The following UGGT1 variants were observed in gnomAD, a reference collection of about 807,000 sequenced individuals.
UGGT1 encodes UDP-glucose glycoprotein glucosyltransferase 1, also known as UDP-glucose:glycoprotein glucosyltransferase 1.
In UGGT1, 107 loss-of-function variants were observed where a neutral mutation model predicts 203.9. That is an observed-to-expected ratio of 0.52 (90% CI 0.45 to 0.62). UGGT1 has a LOEUF of 0.62. Among genes scored for constraint, UGGT1 ranks in the 20% least tolerant of loss-of-function variants. UGGT1 has a pLI of 0.00. For synonymous variants in UGGT1, 628 were observed against 653.5 expected (o/e 0.96, Z 0.59); for missense variants, 1,673 against 1,867.2 (o/e 0.90, Z 1.92).
intron 11 of UGGT1, among the ~76,000 whole-genome samples, chr2:128,125,897 T>G (rs1688574614): frequency 6.6e-6 from 1 of 151,936 alleles, no homozygotes; most frequent in Non-Finnish European, 1.5e-5. Flanking sequence ...TCATGGAGTC[T>G]TAATTTTTTT....
intron 1 of UGGT1, 35 bp downstream of exon 1, chr2:128,091,450 A>G: frequency 1.9e-6 from 3 of 1,562,944 alleles, no homozygotes; most frequent in Non-Finnish European, 2.6e-6. Flanking sequence ...CCTCGTGGAC[A>G]AAGAGAGGGT....
chr2:128,182,719 T>C (rs1308724946), intron 37 of UGGT1, among the ~76,000 whole-genome samples: 1 of 112,034 alleles, frequency 8.9e-6, no homozygotes, highest in Non-Finnish European at 2.0e-5. Flanking sequence ...AAAAATACAG[T>C]GTAAAAAAAA....
At chr2:128,173,754 T>A in intron 29 of UGGT1, 27 bp from the exon 30 acceptor site, 1 of 1,612,246 alleles carries the variant, frequency 6.2e-7, no homozygotes, top group South Asian at 1.1e-5. Context: ...TCTGAGTGCA[T>A]TCAAGTGATT....
intron 2 of UGGT1, among the ~76,000 whole-genome samples, chr2:128,099,642 A>C (rs1467061457): frequency 6.6e-6 from 1 of 152,206 alleles, no homozygotes. Flanking sequence ...ACTTTCTGCT[A>C]AATAGACTTC....
Position 128,194,706 on chromosome 2 carries a change from T to C in UGGT1, c.*4964T>C, listed in dbSNP as rs1158723799. On this transcript the variant is annotated 3_prime_UTR_variant, in exon 41 of 41. Coordinates refer to ENST00000259253, the MANE Select transcript of UGGT1 (RefSeq NM_020120.4). ...ATAACTTCTTTAAATTCATGTTTTCTCTGCCTTGAGGTAGTGAGGGAAAGA... is the reference window on the plus strand; with the variant it reads ...ATAACTTCTTTAAATTCATGTTTTCCCTGCCTTGAGGTAGTGAGGGAAAGA... 6.6e-6 allele frequency: 1 copy of C among 152,236 alleles called. No homozygotes were observed. The highest frequency in any genetic ancestry group is 6.5e-5 in the Admixed American group (1 of 15,290). 9.4% of individuals were successfully genotyped at this position (152,236 alleles called of 1,614,324 possible).
rs1404193465 is a variant in UGGT1, at chr2:128,104,027, C to G, written c.277+13C>G. ...TCAGATCATGACGGTAAAATTGAAG[C>G]AAATGCTTCTTTGACTTTGGTGTCT... On this transcript the variant is annotated intron_variant, in intron 3 of 40. Coordinates refer to ENST00000259253, the MANE Select transcript of UGGT1 (RefSeq NM_020120.4). The G allele has an allele frequency of 2.0e-6, 3 of 1,527,368 alleles. No individual in the cohort carries two copies. Among genetic ancestry groups the G allele is most frequent in the East Asian group, 2.4e-5 (1 of 40,844 alleles). 94.6% of individuals were successfully genotyped at this position (1,527,368 alleles called of 1,614,324 possible). A position where few individuals can be genotyped will look rare whatever the true frequency, so the allele number is the denominator to read the frequency against.
Position 128,134,876 on chromosome 2 carries a change from G to T in UGGT1, c.1498G>T (p.Val500Phe), listed in dbSNP as rs766697168. The T allele has an allele frequency of 1.2e-6, 2 of 1,613,338 alleles. No homozygotes were observed. The highest frequency in any genetic ancestry group is 1.7e-5 in the Admixed American group (1 of 60,020). Reference protein sequence around the residue: ...RQIRKNLHNMVFIVDPAHETT... With the variant: ...RQIRKNLHNMFFIVDPAHETT... ...GTGTTCTTTTCCCTTTCTTCAACAG[G>T]TTTTCATAGTTGATCCTGCACATGA... The change falls in exon 15 of 41, where the codon GTT becomes TTT. Residue 500 changes from valine (V) to phenylalanine (F), a missense_variant and splice_region_variant. Transcript: ENST00000259253.
intron 18 of UGGT1, among the ~76,000 whole-genome samples, chr2:128,147,917 A>G (rs957800644): frequency 3.9e-5 from 6 of 152,030 alleles, no homozygotes; most frequent in Admixed American, 2.0e-4. Context: ...CCATTTCTGC[A>G]TATTTAATAA....
intron 3 of UGGT1, among the ~76,000 whole-genome samples, chr2:128,106,196 A>G (rs946007471): frequency 8.6e-5 from 13 of 151,688 alleles, no homozygotes; most frequent in Non-Finnish European, 1.5e-4. Flanking sequence ...AGGCAACTAG[A>G]ATTAAGTTAT....
intron 13 of UGGT1, among the ~76,000 whole-genome samples, chr2:128,132,693 C>T (rs934575206): frequency 2.0e-5 from 3 of 152,004 alleles, no homozygotes; most frequent in Admixed American, 2.0e-4. Context: ...ACTCATTTTT[C>T]CACTCGATCT....
At chr2:128,092,046 C>T (rs766909370) in intron 1 of UGGT1, among the ~76,000 whole-genome samples, 5 of 152,152 alleles carry the variant, frequency 3.3e-5, no homozygotes, top group African/African-American at 4.8e-5. Flanking sequence ...CGTTTGAAGT[C>T]CTGGGGTCTT....
intron 11 of UGGT1, 81 bp downstream of exon 11, chr2:128,123,327 T>G: frequency 8.9e-7 from 1 of 1,120,800 alleles, no homozygotes; most frequent in Non-Finnish European, 1.3e-6. Context: ...CAGCAGCATT[T>G]AACAGTGTCA....
In UGGT1 at chr2:128,187,503, C is replaced by G; in HGVS notation, c.4531C>G (p.Pro1511Ala). The G allele has an allele frequency of 6.2e-7, 1 of 1,614,028 alleles. No homozygotes were observed. ...ACTGGAAGCAGCTGTGCGGATTGTC[C>G]CGGAGTGGCAGGACTACGACCAAGA... ...PKLEAAVRIV[P>A]EWQDYDQEIK... Residue 1511 changes from proline to alanine, a missense_variant, in exon 40 of 41, where the codon CCG becomes GCG. Around this residue, in one of 4 missense-constraint regions of UGGT1, gnomAD observed 513 missense variants for 684.1 expected, o/e 0.75. Transcript: ENST00000259253.
At chr2:128,125,868 A>G (rs903028500) in intron 11 of UGGT1, among the ~76,000 whole-genome samples, 8 of 151,924 alleles carry the variant, frequency 5.3e-5, no homozygotes, top group African/African-American at 1.7e-4. Context: ...GGAAGACAAA[A>G]TTATACTATA....
chr2:128,183,990 G>T (rs534445487), intron 38 of UGGT1, among the ~76,000 whole-genome samples: 3 of 151,826 alleles, frequency 2.0e-5, no homozygotes, highest in South Asian at 2.1e-4. Flanking sequence ...ACATATCAGC[G>T]TGAAAAATGT....
At chr2:128,187,182 T>G (rs1167859251) in intron 39 of UGGT1, 2 of 338,144 alleles carry the variant, frequency 5.9e-6, no homozygotes, top group Middle Eastern at 8.2e-4. Flanking sequence ...GCTGAGTCAC[T>G]CCTTGGCTTC....
At chr2:128,138,389 C>T (rs1210312676) in intron 15 of UGGT1, among the ~76,000 whole-genome samples, 3 of 151,966 alleles carry the variant, frequency 2.0e-5, no homozygotes, top group African/African-American at 4.8e-5. Flanking sequence ...GGGGTAGTGG[C>T]GTATAATCGC....
In UGGT1 at chr2:128,108,015, A is replaced by G; in HGVS notation, c.355A>G (p.Lys119Glu). The change falls in exon 4 of 41, where the codon AAA becomes GAA. Residue 119 changes from lysine to glutamate, a missense_variant. Lys to Glu is a moderately conservative substitution (Grantham distance 56). Coordinates refer to ENST00000259253, the MANE Select transcript of UGGT1 (RefSeq NM_020120.4). ...FLSPLQQNLF[K>E]FCLSLRSYSA... ...GTCACCCCTCCAGCAGAATTTGTTT[A>G]AATTTTGTCTGTCCCTTCGTTCTTA... 1 of 1,614,150 alleles carries G rather than the reference A, an allele frequency of 6.2e-7. No homozygotes were observed. The highest frequency in any genetic ancestry group is 8.5e-7 in the Non-Finnish European group (1 of 1,180,020).
At chr2:128,187,715 C>A in intron 40 of UGGT1, 101 bp downstream of exon 40, 1 of 1,291,186 alleles carries the variant, frequency 7.7e-7, no homozygotes, top group Non-Finnish European at 1.0e-6. Flanking sequence ...AGAGAAAAAT[C>A]TCCTATTAAT....
Sources: allele counts gnomAD v4.1 joint callset (sites outside exome capture counted in the v4.1 genomes callset), GRCh38; gene constraint gnomAD v4.1.1; regional missense constraint gnomAD v4.1.1; transcripts MANE v1.5; gene names NCBI Gene and HGNC (gene_info 2026-07-23, HGNC 2026-07-21).